Variants in PIBF1 observed in about 807,000 individuals in gnomAD.
The protein encoded by PIBF1 is progesterone-induced-blocking factor 1.
PIBF1 carries 90 observed loss-of-function variants against 112.5 expected under a neutral mutation model. The ratio of observed to expected loss-of-function variants is 0.80; its 90% CI spans 0.67 to 0.95. The LOEUF is 0.95. Ranked by LOEUF, PIBF1 falls within the 40% of genes least tolerant of loss-of-function variation. The pLI, the probability that PIBF1 is intolerant of heterozygous loss-of-function variation, is 0.00. For missense variants in PIBF1, 915 were observed against 852.3 expected (o/e 1.07, Z -0.92); for synonymous variants, 301 against 288.6 (o/e 1.04, Z -0.44).
chr13:72,816,443 C>G (rs2096419), intron 5 of PIBF1, among the ~76,000 whole-genome samples: 113,010 of 151,898 alleles, frequency 0.74, 42,412 homozygotes, highest in African/African-American at 0.82. Flanking sequence ...CGGGTGGATT[C>G]CTTGAGTCCA....
intron 5 of PIBF1, 76 bp from the exon 6 acceptor site, chr13:72,821,773 A>G: frequency 9.4e-7 from 1 of 1,059,788 alleles, no homozygotes; most frequent in Non-Finnish European, 1.3e-6. Context: ...AGCTTAACAG[A>G]AGACTTCAAT....
intron 9 of PIBF1, among the ~76,000 whole-genome samples, chr13:72,853,838 G>A (rs576959083): frequency 3.3e-5 from 5 of 152,190 alleles, no homozygotes; most frequent in African/African-American, 9.6e-5. Flanking sequence ...TGACCCATGC[G>A]GAGAAGGGTG....
intron 16 of PIBF1, among the ~76,000 whole-genome samples, chr13:72,980,388 A>G (rs1401186062): frequency 6.6e-6 from 1 of 152,236 alleles, no homozygotes; most frequent in African/African-American, 2.4e-5. Context: ...AAGAGAGTAG[A>G]GTCCCTAAAG....
At chr13:72,953,838 G>T (rs2042368894) in intron 14 of PIBF1, among the ~76,000 whole-genome samples, 1 of 152,146 alleles carries the variant, frequency 6.6e-6, no homozygotes, top group African/African-American at 2.4e-5. Flanking sequence ...AGTGGAATTT[G>T]TGCTTGCCTT....
At chr13:72,870,794 G>A (rs1027743444) in intron 10 of PIBF1, among the ~76,000 whole-genome samples, 4 of 144,400 alleles carry the variant, frequency 2.8e-5, no homozygotes, top group Non-Finnish European at 6.1e-5. Flanking sequence ...CAAAAATTTT[G>A]TAAACCTAAA....
At chr13:72,804,173 G>C (rs2035615241) in intron 5 of PIBF1, among the ~76,000 whole-genome samples, 1 of 151,992 alleles carries the variant, frequency 6.6e-6, no homozygotes, top group Non-Finnish European at 1.5e-5. Flanking sequence ...TGACCCAAAA[G>C]AGTAAATTTT....
intron 6 of PIBF1, among the ~76,000 whole-genome samples, chr13:72,826,605 A>G (rs1832685104): frequency 6.6e-6 from 1 of 151,914 alleles, no homozygotes; most frequent in Non-Finnish European, 1.5e-5. Context: ...CGTATCTACT[A>G]TGCAATCTAA....
chr13:72,908,615 G>C lies in PIBF1; in HGVS notation c.1573G>C (p.Ala525Pro). The C allele has an allele frequency of 6.2e-7, 1 of 1,613,220 alleles. No homozygotes were observed. Among genetic ancestry groups the C allele is most frequent in the Non-Finnish European group, 8.5e-7 (1 of 1,179,302 alleles). ...TCAAGCACAGAACTCAGAGCATCAA[G>C]CAAGGCTAGACATTTATGAGAAACT... ...ELQAQNSEHQ[A>P]RLDIYEKLEK... Residue 525 changes from alanine to proline, a missense_variant, in exon 12 of 18, where the codon GCA becomes CCA. Ala to Pro is a conservative substitution (Grantham distance 27). Coordinates refer to ENST00000326291, the MANE Select transcript of PIBF1 (RefSeq NM_006346.4).
At chr13:72,847,044 T>C (rs1453725290) in intron 9 of PIBF1, among the ~76,000 whole-genome samples, 1 of 152,242 alleles carries the variant, frequency 6.6e-6, no homozygotes, top group Non-Finnish European at 1.5e-5. Flanking sequence ...AGATATATAG[T>C]AGTTACTCAG....
chr13:72,909,771 C>T (rs1365243780), intron 12 of PIBF1, among the ~76,000 whole-genome samples: 2 of 152,098 alleles, frequency 1.3e-5, no homozygotes, highest in African/African-American at 2.4e-5. Flanking sequence ...GGATTACAGA[C>T]GTGAGCCACT....
At chr13:72,787,099 GTA>G (rs999336825) in intron 2 of PIBF1, among the ~76,000 whole-genome samples, 1 of 152,130 alleles carries the variant, frequency 6.6e-6, no homozygotes, top group African/African-American at 2.4e-5. Flanking sequence ...GTTAATGTGT[GTA>G]TGTGTGTATA....
At chr13:72,905,894 G>T (rs1030822560) in intron 11 of PIBF1, among the ~76,000 whole-genome samples, 27 of 152,142 alleles carry the variant, frequency 1.8e-4, no homozygotes, top group African/African-American at 2.4e-5. Context: ...AGGCTTGAGG[G>T]CATTTCTTAA....
chr13:72,852,349 G>C (rs2038202103), intron 9 of PIBF1, among the ~76,000 whole-genome samples: 1 of 152,176 alleles, frequency 6.6e-6, no homozygotes, highest in Non-Finnish European at 1.5e-5. Context: ...TCCAGTCGCA[G>C]CCTCACAGGA....
At chr13:72,783,331 A>G in intron 1 of PIBF1, 92 bp from the exon 2 acceptor site, 1 of 633,896 alleles carries the variant, frequency 1.6e-6, no homozygotes, top group Non-Finnish European at 2.7e-6. Flanking sequence ...CCTAATATTT[A>G]TTTAAGGAAT....
chr13:73,013,262 C>A (rs2044266179), intron 17 of PIBF1, among the ~76,000 whole-genome samples: 1 of 136,840 alleles, frequency 7.3e-6, no homozygotes, highest in Admixed American at 7.6e-5. Context: ...GATCGCGCCA[C>A]TGCACTCCAG....
chr13:72,988,511 G>T (rs61966211), intron 16 of PIBF1, among the ~76,000 whole-genome samples: 71,079 of 151,880 alleles, frequency 0.47, 18,391 homozygotes, highest in African/African-American at 0.69. Flanking sequence ...TGTCCTTTAT[G>T]TAGTGTATAG....
chr13:72,980,378 AAG>A (rs1566513625), intron 16 of PIBF1, among the ~76,000 whole-genome samples: 1 of 152,232 alleles, frequency 6.6e-6, no homozygotes, highest in Non-Finnish European at 1.5e-5. Flanking sequence ...GAGCATCAGG[AAG>A]AGAGTAGAGT....
intron 14 of PIBF1, among the ~76,000 whole-genome samples, chr13:72,938,402 T>G (rs1345418973): frequency 2.0e-5 from 3 of 152,120 alleles, no homozygotes; most frequent in African/African-American, 7.2e-5. Context: ...ATGTGCTCTC[T>G]CTCTCTCTAT....
chr13:72,864,241 A>T (rs1364031235), intron 10 of PIBF1, among the ~76,000 whole-genome samples: 2 of 152,202 alleles, frequency 1.3e-5, no homozygotes, highest in Non-Finnish European at 2.9e-5. Context: ...CTTGAGAGTG[A>T]GGAGGATGGG....
Sources: gnomAD v4.1 joint callset for allele counts (sites outside exome capture counted in the v4.1 genomes callset) on GRCh38, gnomAD v4.1.1 for gene constraint, MANE v1.5 for transcripts, NCBI Gene and HGNC (gene_info 2026-07-23, HGNC 2026-07-21) for gene names.